APCDD1L: variants seen among roughly 807,000 people sequenced by gnomAD.
APCDD1L encodes the protein protein APCDD1-like.
Under a neutral mutation model 24.2 loss-of-function variants are expected in APCDD1L, and 21 were observed. The ratio of observed to expected loss-of-function variants is 0.87; its 90% confidence interval spans 0.61 to 1.25. APCDD1L has a LOEUF of 1.25. Among genes scored for constraint, APCDD1L ranks in the 50% most tolerant of loss-of-function variants. APCDD1L has a pLI of 0.00. For synonymous variants in APCDD1L, 321 were observed against 323.6 expected (o/e 0.99, Z 0.09); for missense variants, 704 against 711.7 (o/e 0.99, Z 0.12).
intron 1 of APCDD1L, among the ~76,000 whole-genome samples, 195 bp downstream of exon 1, chr20:58,514,464 A>G (rs1393684523): frequency 6.6e-6 from 1 of 152,184 alleles, no homozygotes; most frequent in Admixed American, 6.5e-5. Context: ...TCCCTCCCGC[A>G]GGCCCCAGGA....
rs1197324870 is a variant in APCDD1L, at chr20:58,460,626, A to C, written c.*164T>G. 3 of 923,082 alleles carry C rather than the reference A, an allele frequency of 3.2e-6. No homozygotes were observed. Among genetic ancestry groups the C allele is most frequent in the East Asian group, 5.4e-5 (2 of 37,016 alleles). 57.2% of individuals were successfully genotyped at this position (923,082 alleles called of 1,614,324 possible). A position where few individuals can be genotyped will look rare whatever the true frequency, so the allele number is the denominator to read the frequency against. The stretch of plus-strand genomic sequence containing the variant: ...TATAGGCTTTGCAGGGGTTAAGCTC[A>C]TGTCCTGAGCCACATGGGACACAGG... On this transcript the variant is annotated 3_prime_UTR_variant, in exon 4 of 4. Transcript: ENST00000371149. The surrounding 1 kb of genome is among the most constrained non-coding windows in gnomAD (Gnocchi z 4.2).
chr20:58,506,265 A>G (rs1600880350), intron 1 of APCDD1L, among the ~76,000 whole-genome samples: 1 of 152,042 alleles, frequency 6.6e-6, no homozygotes, highest in Admixed American at 6.5e-5. Context: ...GTATACCCCC[A>G]TCTTCCTCTG....
intron 1 of APCDD1L, among the ~76,000 whole-genome samples, chr20:58,489,227 AAAAC>A (rs1290250642): frequency 2.4e-4 from 36 of 152,208 alleles, no homozygotes; most frequent in African/African-American, 6.3e-4. Flanking sequence ...CAAACCAACC[AAAAC>A]AAACAAACAA....
Position 58,465,155 on chromosome 20 carries a change from A to C in APCDD1L, c.741+1951T>G, listed in dbSNP as rs377024757. ...AATGAGGTGGTGGTGGCCGGTAATC[A>C]ACTCACCGCTAGCGCCTTCTCTGAA... On this transcript the variant is annotated intron_variant, in intron 3 of 3. Transcript: ENST00000371149. Among the ~76,000 whole-genome samples, 25 of 152,278 alleles carry C rather than the reference A, an allele frequency of 1.6e-4. No individual in the cohort carries two copies. The East Asian group carries it at 3.5e-3, about 21-fold the overall frequency.
intron 1 of APCDD1L, among the ~76,000 whole-genome samples, chr20:58,489,006 G>A (rs944413433): frequency 1.3e-5 from 2 of 152,154 alleles, no homozygotes; most frequent in Non-Finnish European, 2.9e-5. Context: ...GAGTGGGTGA[G>A]TAGGGGGAAA....
intron 1 of APCDD1L, among the ~76,000 whole-genome samples, chr20:58,512,150 C>T (rs1306744742): frequency 6.6e-6 from 1 of 152,204 alleles, no homozygotes; most frequent in Admixed American, 6.5e-5. Context: ...TGTTCAGATA[C>T]AAGAGGGAGG....
intron 1 of APCDD1L, among the ~76,000 whole-genome samples, chr20:58,477,912 G>T (rs1989942334): frequency 6.6e-6 from 1 of 152,194 alleles, no homozygotes; most frequent in Admixed American, 6.5e-5. Context: ...GAGCCACTAT[G>T]CCCAGCTCTT....
At chr20:58,510,405 C>T (rs1160594093) in intron 1 of APCDD1L, among the ~76,000 whole-genome samples, 3 of 152,052 alleles carry the variant, frequency 2.0e-5, no homozygotes, top group Admixed American at 1.3e-4. Context: ...CAATCTTGGC[C>T]CACTGCAACC....
chr20:58,490,916 A>T (rs1990213902), intron 1 of APCDD1L, among the ~76,000 whole-genome samples: 1 of 152,210 alleles, frequency 6.6e-6, no homozygotes, highest in Admixed American at 6.5e-5. Context: ...GAGTAAATGG[A>T]ATGTAAAGAT....
intron 1 of APCDD1L, among the ~76,000 whole-genome samples, chr20:58,501,939 G>A (rs978190734): frequency 5.9e-5 from 9 of 152,160 alleles, no homozygotes; most frequent in East Asian, 1.9e-4. Context: ...ATCTTCTAGC[G>A]CTGGCTCCTT....
intron 1 of APCDD1L, among the ~76,000 whole-genome samples, chr20:58,505,208 TTTAAG>T (rs1990510382): frequency 6.6e-6 from 1 of 152,190 alleles, no homozygotes; most frequent in Admixed American, 6.5e-5. Flanking sequence ...TGTGTTTCTT[TTTAAG>T]TTTTTTACAA....
At chr20:58,470,867 C>T (rs1001279102) in intron 1 of APCDD1L, 120 bp from the exon 2 acceptor site, 45 of 1,372,034 alleles carry the variant, frequency 3.3e-5, no homozygotes, top group Middle Eastern at 2.7e-4. Flanking sequence ...CAACCTCCAT[C>T]GCAGCCCCGT....
rs920944995 is a variant in APCDD1L at position 58,467,743 on chromosome 20, C to A, written c.189-85G>T. On this transcript the variant is annotated intron_variant, in intron 2 of 3. Coordinates refer to ENST00000371149, the MANE Select transcript of APCDD1L (RefSeq NM_153360.3). This position sits in a 1 kb window ranked among gnomAD's most constrained non-coding sequence, Gnocchi z 5.9. ...TCCCCTCTGGGCTGGGCTCCTTTCT[C>A]CCCCCCAGCCCTCCTCTTAGTCCTC... The A allele has an allele frequency of 7.9e-7, 1 of 1,262,012 alleles. No homozygotes were observed. Among genetic ancestry groups the A allele is most frequent in the Non-Finnish European group, 1.0e-6 (1 of 968,782 alleles). 78.2% of individuals were successfully genotyped at this position (1,262,012 alleles called of 1,614,324 possible).
chr20:58,502,154 G>A (rs1169723909), intron 1 of APCDD1L, among the ~76,000 whole-genome samples: 1 of 152,186 alleles, frequency 6.6e-6, no homozygotes, highest in Non-Finnish European at 1.5e-5. Context: ...CCAGGATGGA[G>A]TACCCTGGTG....
chr20:58,488,864 C>G (rs569891029), intron 1 of APCDD1L, among the ~76,000 whole-genome samples: 1 of 151,914 alleles, frequency 6.6e-6, no homozygotes, highest in East Asian at 1.9e-4. Flanking sequence ...AAAAAGCAGA[C>G]GCTAATAAAA....
At chr20:58,496,735 A>G (rs572584143) in intron 1 of APCDD1L, among the ~76,000 whole-genome samples, 2 of 152,288 alleles carry the variant, frequency 1.3e-5, no homozygotes, top group Admixed American at 1.3e-4. Flanking sequence ...CTTTATCCTG[A>G]CACCAGAAGT....
chr20:58,474,767 A>G (rs1443345696), intron 1 of APCDD1L, among the ~76,000 whole-genome samples: 2 of 152,196 alleles, frequency 1.3e-5, no homozygotes, highest in Non-Finnish European at 1.5e-5. Flanking sequence ...TTTAAAGTGA[A>G]CAATTTGGTG....
In APCDD1L at chr20:58,467,503, G is replaced by C. The variant is rs1428676148; in HGVS notation, c.344C>G (p.Ala115Gly). The C allele has an allele frequency of 6.2e-7, 1 of 1,600,490 alleles. No individual in the cohort carries two copies. Among genetic ancestry groups the C allele is most frequent in the African/African-American group, 1.3e-5 (1 of 74,338 alleles). ...LVKGKVRLRR[A>G]SWVTRGATEA... Reference sequence around the variant, plus strand: ...GGTGGCTCCCCGGGTGACCCAGGAGGCCCGGCGCAGGCGGACTTTGCCCTT... The same window carrying C: ...GGTGGCTCCCCGGGTGACCCAGGAGCCCCGGCGCAGGCGGACTTTGCCCTT... Residue 115 changes from alanine to glycine, a missense_variant, in exon 3 of 4, where the codon GCC becomes GGC. Coordinates refer to ENST00000371149, the MANE Select transcript of APCDD1L (RefSeq NM_153360.3). The surrounding 1 kb of genome is among the most constrained non-coding windows in gnomAD (Gnocchi z 5.9).
Position 58,506,985 on chromosome 20 carries a change from G to A in APCDD1L, c.49+7674C>T, listed in dbSNP as rs370429710. 4.5e-4 allele frequency among the ~76,000 whole-genome samples: 69 copies of A among 152,266 alleles called. 1 individual carries two copies. The South Asian group carries it at 9.7e-3, about 21-fold the overall frequency. On this transcript the variant is annotated intron_variant, in intron 1 of 3. Coordinates refer to ENST00000371149, the MANE Select transcript of APCDD1L (RefSeq NM_153360.3). ...TGGGCTTGCTGGCTGGATGACTTGA[G>A]TGCCTGGTATCTGATATGGTTTGGC... is the stretch of plus-strand genomic sequence containing the variant.
Sources: gnomAD v4.1 joint callset for allele counts (sites outside exome capture counted in the v4.1 genomes callset) on GRCh38, gnomAD v4.1.1 for gene constraint, Gnocchi (gnomAD v3.1) non-coding constraint, MANE v1.5 for transcripts, NCBI Gene and HGNC (gene_info 2026-07-23, HGNC 2026-07-21) for gene names.